The following TSPAN5 variants were observed in gnomAD, a reference collection of about 807,000 sequenced individuals.
TSPAN5 encodes tetraspanin 5, also known as tetraspanin-5.
Under a neutral mutation model 37.1 loss-of-function variants are expected in TSPAN5, and 10 were observed. The observed-to-expected ratio is 0.27, with a 90% CI of 0.17 to 0.46. The LOEUF is 0.46. Among genes scored for constraint, TSPAN5 ranks in the 20% least tolerant of loss-of-function variants. TSPAN5 has a pLI of 1.00. For synonymous variants in TSPAN5, 110 were observed against 118.9 expected, an observed-to-expected ratio of 0.93 and a Z score of 0.48; for missense variants, 195 against 326.6, an observed-to-expected ratio of 0.60 and a Z score of 3.11.
chr4:98,543,433 T>TG (rs2110144336), intron 1 of TSPAN5, among the ~76,000 whole-genome samples: 1 of 151,796 alleles, frequency 6.6e-6, no homozygotes, highest in Admixed American at 6.6e-5. Context: ...TTTTTTTTTT[T>TG]GAGATGAAGT....
chr4:98,543,722 C>T (rs1754411405), intron 1 of TSPAN5, among the ~76,000 whole-genome samples: 1 of 151,956 alleles, frequency 6.6e-6, no homozygotes. Context: ...ACCCAGCCTA[C>T]TTTAGAATTT....
chr4:98,531,115 G>A (rs1754074042), intron 1 of TSPAN5, among the ~76,000 whole-genome samples: 1 of 152,058 alleles, frequency 6.6e-6, no homozygotes, highest in Admixed American at 6.5e-5. Flanking sequence ...TACATGTGCA[G>A]AACTTGCAGT....
intron 1 of TSPAN5, among the ~76,000 whole-genome samples, chr4:98,551,524 C>T (rs1308243118): frequency 2.4e-5 from 3 of 126,986 alleles, no homozygotes; most frequent in Non-Finnish European, 4.7e-5. Flanking sequence ...TGGAGTCTTG[C>T]TCTGTCACCC....
At chr4:98,586,986 G>A (rs1287306571) in intron 1 of TSPAN5, among the ~76,000 whole-genome samples, 2 of 152,208 alleles carry the variant, frequency 1.3e-5, no homozygotes, top group Non-Finnish European at 2.9e-5. Flanking sequence ...GACAAAGGCA[G>A]GGAATTGAAT....
chr4:98,574,256 T>C (rs1755186655), intron 1 of TSPAN5, among the ~76,000 whole-genome samples: 1 of 152,216 alleles, frequency 6.6e-6, no homozygotes, highest in Non-Finnish European at 1.5e-5. Flanking sequence ...GACCTTGAAT[T>C]GCATCTCTTC....
chr4:98,499,654 G>T (rs1404078509), intron 2 of TSPAN5, among the ~76,000 whole-genome samples: 1 of 137,610 alleles, frequency 7.3e-6, no homozygotes, highest in African/African-American at 2.9e-5. Flanking sequence ...TTGGTTTCCA[G>T]CTCTTTTTTT....
At chr4:98,565,857 C>T (rs1222188149) in intron 1 of TSPAN5, among the ~76,000 whole-genome samples, 1 of 152,212 alleles carries the variant, frequency 6.6e-6, no homozygotes, top group Non-Finnish European at 1.5e-5. Flanking sequence ...GCTGCTGCAA[C>T]AAAGTGGTCC....
intron 2 of TSPAN5, among the ~76,000 whole-genome samples, chr4:98,501,564 A>T (rs1753349874): frequency 6.6e-6 from 1 of 152,240 alleles, no homozygotes; most frequent in Non-Finnish European, 1.5e-5. Context: ...CAAAGGTGAC[A>T]TTTGAGAAGA....
At chr4:98,519,979 G>A (rs1753819117) in intron 1 of TSPAN5, among the ~76,000 whole-genome samples, 1 of 152,166 alleles carries the variant, frequency 6.6e-6, no homozygotes, top group Non-Finnish European at 1.5e-5. Context: ...CTCAAATAAC[G>A]TGCTTAAAGT....
chr4:98,568,590 G>A (rs1755057386), intron 1 of TSPAN5, among the ~76,000 whole-genome samples: 1 of 151,278 alleles, frequency 6.6e-6, no homozygotes, highest in Non-Finnish European at 1.5e-5. Context: ...GATCACTCAG[G>A]GAGGCAGACA....
chr4:98,633,246 A>C (rs1030477468), intron 1 of TSPAN5, among the ~76,000 whole-genome samples: 1 of 152,182 alleles, frequency 6.6e-6, no homozygotes, highest in African/African-American at 2.4e-5. Context: ...CAGCATGAAA[A>C]ATCCCTTGCA....
Position 98,481,875 on chromosome 4 carries a change from A to G in TSPAN5, c.450+130T>C, listed in dbSNP as rs1752844956. 3 of 852,002 alleles carry G rather than the reference A, an allele frequency of 3.5e-6. No homozygotes were observed. In the South Asian group the frequency reaches 4.9e-5, roughly 14 times the overall value. The allele number at this position is 852,002 out of a possible 1,614,324, so 52.8% of individuals were successfully genotyped here. A position where few individuals can be genotyped will look rare whatever the true frequency, so the allele number is the denominator to read the frequency against. ...GAGCAAGTCGGAAAATAATAAACAA[A>G]CAAACAAACACCCATGCAGAATAGT... On this transcript the variant is annotated intron_variant, in intron 4 of 7. Transcript: ENST00000305798.
At chr4:98,630,775 T>C (rs1329826730) in intron 1 of TSPAN5, among the ~76,000 whole-genome samples, 1 of 152,246 alleles carries the variant, frequency 6.6e-6, no homozygotes, top group Non-Finnish European at 1.5e-5. Context: ...ACTCTGAATT[T>C]GAAGCCCTCC....
In TSPAN5 at chr4:98,602,840, T is replaced by C. The variant is rs564570669; in HGVS notation, c.81+55306A>G. Among the ~76,000 whole-genome samples, 3 of 152,334 alleles carry C rather than the reference T, an allele frequency of 2.0e-5. No individual in the cohort carries two copies. The East Asian group carries it at 5.8e-4, about 29-fold the overall frequency. On this transcript the variant is annotated intron_variant, in intron 1 of 7. Transcript: ENST00000305798. ...TCTCCATAATTCTACAATGCTGCTC[T>C]TCTTCCAAACAGGCTCCTAACACAT...
At chr4:98,607,297 A>T (rs948988071) in intron 1 of TSPAN5, among the ~76,000 whole-genome samples, 4 of 152,114 alleles carry the variant, frequency 2.6e-5, no homozygotes, top group Non-Finnish European at 4.4e-5. Context: ...ATCCCACACA[A>T]TTAGTTTTGT....
rs1278918088 is a variant in TSPAN5 at position 98,658,230 on chromosome 4, C to G, written c.-4G>C. ...CCTTGTAGTGCTTCCCGGACATCCT[C>G]TGGGTTCATGAAGACACTTGCCCCG... On this transcript the variant is annotated 5_prime_UTR_variant, in exon 1 of 8. Coordinates refer to ENST00000305798, the MANE Select transcript of TSPAN5 (RefSeq NM_005723.4). 1.4e-5 allele frequency: 22 copies of G among 1,613,666 alleles called. No homozygotes were observed. The highest frequency in any genetic ancestry group is 1.8e-5 in the Non-Finnish European group (21 of 1,179,666).
chr4:98,561,802 G>A (rs1394107055), intron 1 of TSPAN5, among the ~76,000 whole-genome samples: 1 of 152,216 alleles, frequency 6.6e-6, no homozygotes, highest in Non-Finnish European at 1.5e-5. Context: ...GGTAAGGCCA[G>A]GCCCTGGTGA....
chr4:98,515,386 C>T (rs772043818), intron 1 of TSPAN5, among the ~76,000 whole-genome samples: 2 of 152,134 alleles, frequency 1.3e-5, no homozygotes, highest in Non-Finnish European at 2.9e-5. Context: ...GTTCCTGCCC[C>T]CCTCCTGACA....
At chr4:98,559,006 A>G (rs1754817113) in intron 1 of TSPAN5, among the ~76,000 whole-genome samples, 1 of 152,226 alleles carries the variant, frequency 6.6e-6, no homozygotes, top group African/African-American at 2.4e-5. Flanking sequence ...AACTCCCTTC[A>G]GAGTGGCAGA....
Sources: allele counts gnomAD v4.1 joint callset (sites outside exome capture counted in the v4.1 genomes callset), GRCh38; gene constraint gnomAD v4.1.1; transcripts MANE v1.5; gene names NCBI Gene and HGNC (gene_info 2026-07-23, HGNC 2026-07-21).